Variants in VWA5A observed in about 807,000 individuals in gnomAD.
VWA5A encodes von Willebrand factor A domain-containing protein 5A.
In VWA5A, 77 loss-of-function variants were observed where a neutral mutation model predicts 84.6. That is an observed-to-expected ratio of 0.91 (90% CI 0.76 to 1.10). The LOEUF (loss-of-function observed/expected upper bound fraction) is 1.10, where lower values mean the gene tolerates loss of function less well. Ranked by LOEUF, VWA5A falls within the 50% of genes least tolerant of loss-of-function variation. VWA5A has a pLI of 0.00. For missense variants in VWA5A, 973 were observed against 963.0 expected (o/e 1.01, Z -0.14); for synonymous variants, 334 against 350.1 (o/e 0.95, Z 0.51).
chr11:124,129,748 T>C (rs1865070836), intron 11 of VWA5A, among the ~76,000 whole-genome samples: 2 of 152,206 alleles, frequency 1.3e-5, no homozygotes, highest in African/African-American at 4.8e-5. Flanking sequence ...CCATTTCTTC[T>C]AGATTTTCTA....
In VWA5A at chr11:124,137,372, GT is replaced by G; in HGVS notation, c.1879+108del. On this transcript the variant is annotated intron_variant, in intron 15 of 18. Transcript: ENST00000456829. ...CTGTGAAATGTTCTCAAATTGCTTT[GT>G]TTTCCTTATACCTCCACATCTAGGA... 3 of 1,437,792 alleles carry G rather than the reference GT, an allele frequency of 2.1e-6. No homozygotes were observed. The South Asian group carries it at 4.5e-5, about 21-fold the overall frequency. 89.1% of individuals were successfully genotyped at this position (1,437,792 alleles called of 1,614,324 possible).
chr11:124,131,251 G>A (rs1200400492), intron 11 of VWA5A, among the ~76,000 whole-genome samples: 1 of 151,864 alleles, frequency 6.6e-6, no homozygotes, highest in Admixed American at 6.6e-5. Flanking sequence ...AGTGATTAAC[G>A]GTAATACAGA....
chr11:124,118,278 C>T lies in VWA5A; in HGVS notation c.336C>T (p.Cys112=), dbSNP rs141506345. ...GCAGCTCCAGGGATGTCTTCTCTTG[C>T]AATGTGGGTAACCTCCAACCTGGGT... ...GDSSSRDVFS[C]NVGNLQPGSK... The change falls in exon 5 of 19, where the codon TGC becomes TGT. Residue 112 remains cysteine, a synonymous_variant. Coordinates refer to ENST00000456829, the MANE Select transcript of VWA5A (RefSeq NM_001130142.2). 18 of 1,614,184 alleles carry T rather than the reference C, an allele frequency of 1.1e-5. No homozygotes were observed. The African/African-American group carries it at 2.1e-4, about 19-fold the overall frequency.
rs370786608 is a variant in VWA5A at position 124,136,691 on chromosome 11, C to CCCTTCCTTCCTTCCTTCCTTCCTTCCTT, written c.1625+47_1625+74dup. ...TGATGTCAAGTGAGAATTCAGTTTT[C>CCCTTCCTTCCTTCCTTCCTTCCTTCCTT]CCTTCCTTCCTTCCTTCCTTCCTTC... is the stretch of plus-strand genomic sequence containing the variant. On this transcript the variant is annotated intron_variant, in intron 14 of 18. Coordinates refer to ENST00000456829, the MANE Select transcript of VWA5A (RefSeq NM_001130142.2). The CCCTTCCTTCCTTCCTTCCTTCCTTCCTT allele has an allele frequency of 2.7e-6, 3 of 1,095,956 alleles. No individual in the cohort carries two copies. The highest frequency in any genetic ancestry group is 2.5e-5 in the African/African-American group (1 of 40,772). 67.9% of individuals were successfully genotyped at this position (1,095,956 alleles called of 1,614,324 possible). A position where few individuals can be genotyped will look rare whatever the true frequency, so the allele number is the denominator to read the frequency against.
At chr11:124,127,416 T>C (rs896010775) in intron 11 of VWA5A, among the ~76,000 whole-genome samples, 2 of 152,232 alleles carry the variant, frequency 1.3e-5, no homozygotes, top group African/African-American at 2.4e-5. Context: ...CAGTCTATCA[T>C]TGATGGGCAT....
intron 7 of VWA5A, among the ~76,000 whole-genome samples, chr11:124,120,026 A>T (rs1012653910): frequency 3.3e-5 from 5 of 152,164 alleles, no homozygotes; most frequent in Non-Finnish European, 7.4e-5. Context: ...GATATAATAT[A>T]TGTAACAAAA....
intron 17 of VWA5A, among the ~76,000 whole-genome samples, chr11:124,143,673 T>C (rs1860768711): frequency 6.6e-6 from 1 of 152,218 alleles, no homozygotes; most frequent in African/African-American, 2.4e-5. Context: ...TTTTTAAAAT[T>C]TGGCTACCAG....
At position 124,146,046 on chromosome 11, in the gene VWA5A, A is replaced by AT; in HGVS notation, c.*107dup. The AT allele has an allele frequency of 3.2e-6, 4 of 1,247,102 alleles. No individual in the cohort carries two copies. The highest frequency in any genetic ancestry group is 4.4e-6 in the Non-Finnish European group (4 of 905,502). The allele number at this position is 1,247,102 out of a possible 1,614,324, so 77.3% of individuals were successfully genotyped here. On this transcript the variant is annotated 3_prime_UTR_variant, in exon 19 of 19. Transcript: ENST00000456829. ...GTGTTCTTGTGTATTATAACTCTTTATTTTTTGCCATAAAAGTAAAGGATG... is the reference window on the plus strand; with the variant it reads ...GTGTTCTTGTGTATTATAACTCTTTATTTTTTTGCCATAAAAGTAAAGGATG...
Position 124,142,519 on chromosome 11 carries a change from G to A in VWA5A, c.2101G>A (p.Ala701Thr). 2 of 1,614,158 alleles carry A rather than the reference G, an allele frequency of 1.2e-6. No homozygotes were observed. Among genetic ancestry groups the A allele is most frequent in the East Asian group, 2.2e-5 (1 of 44,884 alleles). The change falls in exon 17 of 19, where the codon GCC becomes ACC. Residue 701 changes from alanine to threonine, a missense_variant. By Grantham distance (58) the Ala-to-Thr change is moderately conservative. Transcript: ENST00000456829. ...TTCCTGGGATCTGAATGAAGATCTA[G>A]CCAAGATCCTAGGTATGAGTTTGGA... ...NGSWDLNEDL[A>T]KILGMSLEEI...
intron 11 of VWA5A, among the ~76,000 whole-genome samples, chr11:124,133,979 C>T (rs950324055): frequency 2.0e-5 from 3 of 152,310 alleles, no homozygotes; most frequent in Admixed American, 2.0e-4. Flanking sequence ...ACTCCTGGCA[C>T]TGGCTTCCCA....
Position 124,123,100 on chromosome 11 carries a change from A to G in VWA5A, c.901A>G (p.Thr301Ala), listed in dbSNP as rs1431336662. The G allele has an allele frequency of 6.2e-7, 1 of 1,613,084 alleles. No individual in the cohort carries two copies. The highest frequency in any genetic ancestry group is 1.7e-5 in the Admixed American group (1 of 59,788). ...SMQSPMSSQD[T>A]SQLRIQAAKE... The stretch of plus-strand genomic sequence containing the variant: ...GCAGAGCCCCATGAGTAGCCAGGAT[A>G]CATCTCAGCTGCGAATACAGGCAGC... Residue 301 changes from threonine (T) to alanine (A), a missense_variant, in exon 8 of 19, where the codon ACA (threonine) becomes GCA (alanine). Thr to Ala is a moderately conservative substitution (Grantham distance 58). Transcript: ENST00000456829.
Position 124,145,886 on chromosome 11 carries a change from G to T in VWA5A, c.2302G>T (p.Val768Leu). Residue 768 changes from valine (V) to leucine (L), a missense_variant, in exon 19 of 19, where the codon GTG becomes TTG. Physicochemically the swap from Val to Leu is conservative, Grantham distance 32. Coordinates refer to ENST00000456829, the MANE Select transcript of VWA5A (RefSeq NM_001130142.2). Reference protein sequence around the residue: ...AHAGSTMPSVVKAAITFLKSS... With the variant: ...AHAGSTMPSVLKAAITFLKSS... ...CACAGGCTCCACCATGCCTTCGGTT[G>T]TGAAAGCTGCTATTACTTTCCTGAA... 1 of 1,585,654 alleles carries T rather than the reference G, an allele frequency of 6.3e-7. No homozygotes were observed. The highest frequency in any genetic ancestry group is 8.6e-7 in the Non-Finnish European group (1 of 1,162,020).
At chr11:124,116,972 A>C (rs1864841453) in intron 2 of VWA5A, among the ~76,000 whole-genome samples, 2 of 152,200 alleles carry the variant, frequency 1.3e-5, no homozygotes, top group Admixed American at 6.5e-5. Flanking sequence ...CATGATCCAA[A>C]GTGAATGGTG....
chr11:124,127,075 T>G (rs2137641864), intron 11 of VWA5A, among the ~76,000 whole-genome samples: 1 of 152,278 alleles, frequency 6.6e-6, no homozygotes, highest in Middle Eastern at 3.4e-3. Flanking sequence ...AACATGCAGG[T>G]TTGTTACATA....
At chr11:124,120,838 C>T (rs1377112624) in intron 7 of VWA5A, among the ~76,000 whole-genome samples, 1 of 152,170 alleles carries the variant, frequency 6.6e-6, no homozygotes, top group African/African-American at 2.4e-5. Flanking sequence ...GAGAAAGTTC[C>T]ATAATGTTGG....
intron 16 of VWA5A, 84 bp from the exon 17 acceptor site, chr11:124,142,358 G>A (rs1860745153): frequency 1.9e-6 from 3 of 1,545,342 alleles, no homozygotes; most frequent in Non-Finnish European, 2.6e-6. Flanking sequence ...GCCTGTCTCT[G>A]AATTTAGCAG....
rs2276050 is a variant in VWA5A, at chr11:124,122,986, A to G, written c.787A>G (p.Met263Val). The change falls in exon 8 of 19, where the codon ATG becomes GTG. Residue 263 changes from methionine (M) to valine (V), a missense_variant. Transcript: ENST00000456829. ...TCATTTGATGGGAGATCCATCTGCA[A>G]TGGTGAGTTTCTATCCAAATATCCC... ...PGHLMGDPSAMVSFYPNIPED... is the reference protein window; with the variant it reads ...PGHLMGDPSAVVSFYPNIPED... The G allele has an allele frequency of 1.9e-5, 31 of 1,613,902 alleles. No individual in the cohort carries two copies. The Middle Eastern group carries it at 6.8e-4, about 35-fold the overall frequency.
At position 124,124,574 on chromosome 11, in the gene VWA5A, T is replaced by C. The variant is rs956620845; in HGVS notation, c.1244+258T>C. ...AAGAATTGAATAGTAAGATGTTAAT[T>C]TTTTTTACTATAAACATTTTTAGAG... On this transcript the variant is annotated intron_variant, in intron 11 of 18. Coordinates refer to ENST00000456829, the MANE Select transcript of VWA5A (RefSeq NM_001130142.2). 1.1e-5 allele frequency: 13 copies of C among 1,194,642 alleles called. No homozygotes were observed. The East Asian group carries it at 5.2e-4, about 48-fold the overall frequency. The allele number at this position is 1,194,642 out of a possible 1,614,324, so 74.0% of individuals were successfully genotyped here.
intron 7 of VWA5A, among the ~76,000 whole-genome samples, chr11:124,121,080 C>T (rs1864925003): frequency 6.6e-6 from 1 of 152,186 alleles, no homozygotes; most frequent in Admixed American, 6.5e-5. Context: ...CACAAGGAAG[C>T]GAATGACAGC....
Sources: allele counts gnomAD v4.1 joint callset (sites outside exome capture counted in the v4.1 genomes callset), GRCh38; gene constraint gnomAD v4.1.1; transcripts MANE v1.5; gene names NCBI Gene and HGNC (gene_info 2026-07-23, HGNC 2026-07-21).